ULK4: variants seen among roughly 807,000 people sequenced by gnomAD.
ULK4 encodes unc-51 like kinase 4.
ULK4 carries 133 observed loss-of-function variants against 160.6 expected under a neutral mutation model. The ratio of observed to expected loss-of-function variants is 0.83; its 90% CI spans 0.72 to 0.96. The LOEUF (loss-of-function observed/expected upper bound fraction) is 0.96. ULK4 is among the 40% of genes least tolerant of loss of function. ULK4 has a pLI of 0.00. For missense variants in ULK4, 1,580 were observed against 1,499.5 expected, an observed-to-expected ratio of 1.05 and a Z score of -0.89; for synonymous variants, 534 against 539.8, an observed-to-expected ratio of 0.99 and a Z score of 0.15.
chr3:41,377,990 A>G (rs2081548010), intron 35 of ULK4, among the ~76,000 whole-genome samples: 2 of 151,816 alleles, frequency 1.3e-5, no homozygotes, highest in Non-Finnish European at 2.9e-5. Flanking sequence ...TCCAACAATG[A>G]TAGACTGGAT....
intron 17 of ULK4, among the ~76,000 whole-genome samples, chr3:41,841,102 C>CG (rs2041908027): frequency 7.1e-6 from 1 of 141,818 alleles, no homozygotes; most frequent in African/African-American, 2.7e-5. Flanking sequence ...GCCCAGCCGC[C>CG]ACCCGTCTGG....
chr3:41,584,241 T>C (rs1253279508), intron 31 of ULK4, among the ~76,000 whole-genome samples: 1 of 152,214 alleles, frequency 6.6e-6, no homozygotes, highest in Non-Finnish European at 1.5e-5. Context: ...ATATAAAGGA[T>C]AAATTAATGA....
chr3:41,630,505 C>G (rs566672235), intron 30 of ULK4, among the ~76,000 whole-genome samples: 4 of 152,170 alleles, frequency 2.6e-5, no homozygotes, highest in Non-Finnish European at 5.9e-5. Context: ...TTGGACTTCT[C>G]TGTCTCTGAC....
At position 41,733,709 on chromosome 3, in the gene ULK4, T is replaced by A. The variant is rs142972555; in HGVS notation, c.2322-15848A>T. ...TTCATATAATCAAGATTGCCTTGAA[T>A]TCAACTAAACACATGATTTTTTTTT... On this transcript the variant is annotated intron_variant, in intron 22 of 36. Coordinates refer to ENST00000301831, the MANE Select transcript of ULK4 (RefSeq NM_017886.4). 3.2e-3 allele frequency among the ~76,000 whole-genome samples: 482 copies of A among 150,056 alleles called. 1 individual carries two copies. Among genetic ancestry groups the A allele is most frequent in the African/African-American group, 0.011 (458 of 40,314 alleles).
chr3:41,490,053 T>C (rs2084692748), intron 32 of ULK4, among the ~76,000 whole-genome samples: 1 of 152,180 alleles, frequency 6.6e-6, no homozygotes, highest in African/African-American at 2.4e-5. Context: ...AACCCACAGC[T>C]GTTACTCAGT....
intron 12 of ULK4, among the ~76,000 whole-genome samples, chr3:41,902,932 G>A (rs1698427002): frequency 6.6e-6 from 1 of 152,190 alleles, no homozygotes; most frequent in African/African-American, 2.4e-5. Flanking sequence ...AGAGAAGACA[G>A]TGATAGTTAA....
At chr3:41,718,429 T>G (rs1370190444) in intron 22 of ULK4, among the ~76,000 whole-genome samples, 1 of 152,226 alleles carries the variant, frequency 6.6e-6, no homozygotes, top group Non-Finnish European at 1.5e-5. Context: ...CTACTGGCAT[T>G]CTTTAAACAT....
At chr3:41,635,006 T>C (rs911861726) in intron 30 of ULK4, among the ~76,000 whole-genome samples, 6 of 152,188 alleles carry the variant, frequency 3.9e-5, no homozygotes, top group African/African-American at 1.4e-4. Context: ...AATGTTCACA[T>C]GATGGAAGGC....
chr3:41,896,838 A>G lies in ULK4; in HGVS notation c.1514T>C (p.Leu505Pro). The part of the protein sequence containing the change: ...VAGHQEVATR[L>P]LHSPLFQLLI... ...CAGGCTTACCAGGGGGGAATGGAGG[A>G]GCCTGGTGGCCACCTCCTGGTGACC... Residue 505 changes from leucine to proline, a missense_variant, in exon 15 of 37, where the codon CTC becomes CCC. Transcript: ENST00000301831. 2 of 1,612,834 alleles carry G rather than the reference A, an allele frequency of 1.2e-6. No individual in the cohort carries two copies. The highest frequency in any genetic ancestry group is 2.2e-5 in the East Asian group (1 of 44,884).
intron 31 of ULK4, among the ~76,000 whole-genome samples, chr3:41,578,153 T>C (rs778743383): frequency 1.3e-5 from 2 of 152,252 alleles, no homozygotes; most frequent in African/African-American, 2.4e-5. Flanking sequence ...GATAGTCATC[T>C]TACAGTCAGG....
chr3:41,278,340 C>T (rs2079272443), intron 35 of ULK4, among the ~76,000 whole-genome samples: 1 of 152,226 alleles, frequency 6.6e-6, no homozygotes, highest in Non-Finnish European at 1.5e-5. Context: ...CCTACTGCCT[C>T]TATAGATTCC....
chr3:41,556,202 A>C (rs771557050), intron 32 of ULK4, among the ~76,000 whole-genome samples: 2 of 152,194 alleles, frequency 1.3e-5, no homozygotes, highest in Non-Finnish European at 2.9e-5. Context: ...GCACAAATAC[A>C]TTATATAAGA....
chr3:41,731,629 T>C (rs1387788318), intron 22 of ULK4, among the ~76,000 whole-genome samples: 1 of 149,560 alleles, frequency 6.7e-6, no homozygotes, highest in Non-Finnish European at 1.5e-5. Flanking sequence ...GAAAAAAAAT[T>C]CTAAATTTTT....
At chr3:41,556,487 CT>C (rs34888775) in intron 32 of ULK4, among the ~76,000 whole-genome samples, 7 of 117,048 alleles carry the variant, frequency 6.0e-5, no homozygotes, top group African/African-American at 1.3e-4. Context: ...CTCTACCAAA[CT>C]TTTTTTTTTT....
At chr3:41,416,988 CAA>C (rs1392282511) in intron 34 of ULK4, among the ~76,000 whole-genome samples, 2 of 152,062 alleles carry the variant, frequency 1.3e-5, no homozygotes, top group African/African-American at 4.8e-5. Context: ...GGAACATTAC[CAA>C]AAGGATGCCA....
chr3:41,860,387 T>A (rs958772750), intron 17 of ULK4, among the ~76,000 whole-genome samples: 3 of 152,196 alleles, frequency 2.0e-5, no homozygotes, highest in Non-Finnish European at 2.9e-5. Flanking sequence ...ATTCCCTTTA[T>A]ATATCTAGGT....
chr3:41,818,430 G>C (rs1313146374), intron 19 of ULK4, among the ~76,000 whole-genome samples: 2 of 152,120 alleles, frequency 1.3e-5, no homozygotes, highest in Admixed American at 1.3e-4. Flanking sequence ...TTTTTCATCT[G>C]TGTGCCTCTA....
chr3:41,893,472 T>C (rs1698042613), intron 16 of ULK4, among the ~76,000 whole-genome samples: 1 of 152,178 alleles, frequency 6.6e-6, no homozygotes, highest in South Asian at 2.1e-4. Flanking sequence ...TATATATTGA[T>C]ACAATTTTTT....
Position 41,506,768 on chromosome 3 carries a change from ATATATATAT to A in ULK4, c.3227-43524_3227-43516del, listed in dbSNP as rs1379750519. On this transcript the variant is annotated intron_variant, in intron 32 of 36. Transcript: ENST00000301831. ...GCAATACACTGGAGTGTGATTTAAA[ATATATATAT>A]ATATATATATATATATATATATATA... is the stretch of plus-strand genomic sequence containing the variant. Among the ~76,000 whole-genome samples the A allele has an allele frequency of 4.0e-3, 267 of 66,744 alleles. 31 individuals are homozygous for A. Among genetic ancestry groups the A allele is most frequent in the African/African-American group, 0.022 (251 of 11,626 alleles). The allele number at this position is 66,744 out of a possible 152,430, so 43.8% of individuals were successfully genotyped here. A position where few individuals can be genotyped will look rare whatever the true frequency, so the allele number is the denominator to read the frequency against.
Sources: gnomAD v4.1 joint callset for allele counts (sites outside exome capture counted in the v4.1 genomes callset) on GRCh38, gnomAD v4.1.1 for gene constraint, MANE v1.5 for transcripts, NCBI Gene and HGNC (gene_info 2026-07-23, HGNC 2026-07-21) for gene names.